FSTL5: variants seen among roughly 807,000 people sequenced by gnomAD.
FSTL5 encodes follistatin-related protein 5.
FSTL5 carries 62 observed loss-of-function variants against 89.1 expected under a neutral mutation model. The ratio of observed to expected loss-of-function variants is 0.70; its 90% CI spans 0.57 to 0.86. The LOEUF (loss-of-function observed/expected upper bound fraction) is 0.86. Ranked by LOEUF, FSTL5 falls within the 40% of genes least tolerant of loss-of-function variation. The probability of loss-of-function intolerance (pLI) is 0.00; values close to 1 mark genes in which losing one functional copy is unlikely to be tolerated. For missense variants in FSTL5, 1,057 were observed against 1,001.6 expected, an observed-to-expected ratio of 1.06 and a Z score of -0.75; for synonymous variants, 383 against 346.2, an observed-to-expected ratio of 1.11 and a Z score of -1.18.
chr4:161,880,110 G>C (rs1161230895), intron 4 of FSTL5, among the ~76,000 whole-genome samples: 1 of 151,998 alleles, frequency 6.6e-6, no homozygotes, highest in African/African-American at 2.4e-5. Context: ...TTAAGTCCTA[G>C]GTATATTTGG....
intron 11 of FSTL5, among the ~76,000 whole-genome samples, chr4:161,508,560 A>T (rs1405402504): frequency 6.6e-6 from 1 of 152,212 alleles, no homozygotes; most frequent in East Asian, 1.9e-4. Flanking sequence ...AAACTAACAG[A>T]ATACATTTTT....
At chr4:161,538,708 A>G (rs1288116233) in intron 9 of FSTL5, among the ~76,000 whole-genome samples, 1 of 152,158 alleles carries the variant, frequency 6.6e-6, no homozygotes, top group East Asian at 1.9e-4. Flanking sequence ...AGATGTTTTC[A>G]TAGAGTAATT....
chr4:161,737,500 C>T (rs1430885933), intron 6 of FSTL5, among the ~76,000 whole-genome samples: 3 of 151,982 alleles, frequency 2.0e-5, no homozygotes, highest in Non-Finnish European at 2.9e-5. Flanking sequence ...TAACTTTATT[C>T]TGCAAGAATA....
chr4:161,589,527 A>G (rs1733734031), intron 7 of FSTL5, among the ~76,000 whole-genome samples: 1 of 151,938 alleles, frequency 6.6e-6, no homozygotes, highest in Non-Finnish European at 1.5e-5. Context: ...TATGTTGGCC[A>G]TGCTGATCTC....
intron 2 of FSTL5, among the ~76,000 whole-genome samples, chr4:162,050,265 A>G (rs1738336014): frequency 6.6e-6 from 1 of 151,572 alleles, no homozygotes; most frequent in South Asian, 2.1e-4. Flanking sequence ...AATTACAAAT[A>G]TATTCTGGAA....
At chr4:161,878,147 T>A (rs1370486367) in intron 4 of FSTL5, among the ~76,000 whole-genome samples, 2 of 152,112 alleles carry the variant, frequency 1.3e-5, no homozygotes, top group Non-Finnish European at 2.9e-5. Flanking sequence ...CTAAGTAACA[T>A]CTGGAATATT....
At chr4:162,153,694 T>TGTATATTATTTTTGTATATAATA (rs1318532786) in intron 1 of FSTL5, among the ~76,000 whole-genome samples, 1 of 124,742 alleles carries the variant, frequency 8.0e-6, no homozygotes, top group South Asian at 2.3e-4. Flanking sequence ...TATAATAATA[T>TGTATATTATTTTTGTATATAATA]ATATGTATAT....
intron 15 of FSTL5, among the ~76,000 whole-genome samples, chr4:161,409,626 T>G (rs539264795): frequency 4.6e-5 from 7 of 152,248 alleles, no homozygotes; most frequent in Non-Finnish European, 1.5e-5. Flanking sequence ...GTGATCCACC[T>G]GCCTTGGCCT....
At chr4:161,976,117 CAAAAAAAAAAAA>C (rs371745777) in intron 3 of FSTL5, among the ~76,000 whole-genome samples, 3 of 65,380 alleles carry the variant, frequency 4.6e-5, no homozygotes, top group African/African-American at 1.7e-4. Context: ...GACTCCGCCT[CAAAAAAAAAAAA>C]AAAAAAAAAA....
chr4:162,101,334 C>T (rs1730990279), intron 2 of FSTL5, among the ~76,000 whole-genome samples: 1 of 152,160 alleles, frequency 6.6e-6, no homozygotes, highest in Non-Finnish European at 1.5e-5. Context: ...TTGATTTGAA[C>T]TGTTTTATTC....
intron 4 of FSTL5, among the ~76,000 whole-genome samples, chr4:161,919,095 A>G (rs1733920214): frequency 6.6e-6 from 1 of 152,176 alleles, no homozygotes; most frequent in Admixed American, 6.5e-5. Context: ...GTGCAATAGT[A>G]TAATTTCCAC....
intron 6 of FSTL5, among the ~76,000 whole-genome samples, chr4:161,667,278 A>T (rs1264034827): frequency 1.3e-5 from 2 of 152,130 alleles, no homozygotes; most frequent in African/African-American, 4.8e-5. Context: ...ATTCAGTGAT[A>T]TGTGTGACAC....
At chr4:162,059,696 T>C (rs555825450) in intron 2 of FSTL5, among the ~76,000 whole-genome samples, 1 of 152,098 alleles carries the variant, frequency 6.6e-6, no homozygotes, top group Non-Finnish European at 1.5e-5. Flanking sequence ...TAATAGTCTA[T>C]AAATAGCATA....
chr4:161,660,360 T>C (rs562267246), intron 6 of FSTL5, among the ~76,000 whole-genome samples: 1 of 152,262 alleles, frequency 6.6e-6, no homozygotes, highest in South Asian at 2.1e-4. Context: ...AAGACACAAG[T>C]ATAGTTTAGT....
In FSTL5 at chr4:161,442,087, T is replaced by G. The variant is rs944897649; in HGVS notation, c.1841+12917A>C. On this transcript the variant is annotated intron_variant, in intron 15 of 15. Coordinates refer to ENST00000306100, the MANE Select transcript of FSTL5 (RefSeq NM_020116.5). Reference sequence around the variant, plus strand: ...CAATGGGATAGACCAAAAAGGTCACTAAATAATTGTAACCAATCAAGTATT... The same window carrying G: ...CAATGGGATAGACCAAAAAGGTCACGAAATAATTGTAACCAATCAAGTATT... 5.9e-5 allele frequency among the ~76,000 whole-genome samples: 9 copies of G among 151,790 alleles called. No homozygotes were observed. In the East Asian group the frequency reaches 1.7e-3, roughly 29 times the overall value.
At chr4:162,051,979 T>C (rs1738393301) in intron 2 of FSTL5, among the ~76,000 whole-genome samples, 1 of 151,524 alleles carries the variant, frequency 6.6e-6, no homozygotes, top group Non-Finnish European at 1.5e-5. Context: ...ATAAAAAATA[T>C]AAACAAAATT....
chr4:161,398,909 T>A (rs1401879090), intron 15 of FSTL5, among the ~76,000 whole-genome samples: 1 of 152,096 alleles, frequency 6.6e-6, no homozygotes, highest in Non-Finnish European at 1.5e-5. Context: ...GGAAACATTT[T>A]AAGCAATTTA....
In FSTL5 at chr4:161,544,486, G is replaced by GA. The variant is rs1578913392; in HGVS notation, c.1016-1794dup. On this transcript the variant is annotated intron_variant, in intron 8 of 15. Coordinates refer to ENST00000306100, the MANE Select transcript of FSTL5 (RefSeq NM_020116.5). ...GTTGCTAGGGACTGAGGAAATGGAG[G>GA]AATGAGAAATGACTGCTTAATGGAT... is the stretch of plus-strand genomic sequence containing the variant. 5.9e-5 allele frequency among the ~76,000 whole-genome samples: 9 copies of GA among 152,068 alleles called. No homozygotes were observed. The Admixed American group carries it at 5.9e-4, about 10-fold the overall frequency.
intron 3 of FSTL5, among the ~76,000 whole-genome samples, chr4:161,944,529 T>C (rs1157574476): frequency 6.6e-6 from 1 of 152,044 alleles, no homozygotes; most frequent in South Asian, 2.1e-4. Context: ...CTATATATTT[T>C]AGCCAAGCAA....
Sources: allele counts gnomAD v4.1 joint callset (sites outside exome capture counted in the v4.1 genomes callset), GRCh38; gene constraint gnomAD v4.1.1; transcripts MANE v1.5; gene names NCBI Gene and HGNC (gene_info 2026-07-23, HGNC 2026-07-21).